The following SMU1 variants were observed in gnomAD, a reference collection of about 807,000 sequenced individuals.
SMU1 encodes SMU1 DNA replication regulator and spliceosomal factor, also known as WD40 repeat-containing protein SMU1.
SMU1 carries 2 observed loss-of-function variants against 62.0 expected under a neutral mutation model. The observed-to-expected ratio is 0.03, with a 90% CI of 0.01 to 0.10. The LOEUF (loss-of-function observed/expected upper bound fraction) is 0.10. SMU1 is among the 10% of genes least tolerant of loss of function. The pLI is 1.00. For missense variants in SMU1, 227 were observed against 622.1 expected (o/e 0.36, Z 6.76); for synonymous variants, 188 against 212.4 (o/e 0.89, Z 1.00).
At position 33,061,903 on chromosome 9, in the gene SMU1, A is replaced by T. The variant is rs141269196; in HGVS notation, c.630+146T>A. On this transcript the variant is annotated intron_variant, in intron 5 of 11. Coordinates refer to ENST00000397149, the MANE Select transcript of SMU1 (RefSeq NM_018225.3). ...CCAGGCCACAGCAGTATCCCAGTGG[A>T]CACCTGCAGCAACCTTGAATATTGT... 2.8e-4 allele frequency: 221 copies of T among 799,108 alleles called. 5 individuals carry two copies. The African/African-American group carries it at 3.4e-3, about 12-fold the overall frequency. The allele number at this position is 799,108 out of a possible 1,614,324, so 49.5% of individuals were successfully genotyped here.
Position 33,056,859 on chromosome 9 carries a change from C to T in SMU1, c.973G>A (p.Ala325Thr). 1 of 1,612,324 alleles carries T rather than the reference C, an allele frequency of 6.2e-7. No homozygotes were observed. The highest frequency in any genetic ancestry group is 8.5e-7 in the Non-Finnish European group (1 of 1,179,598). Residue 325 changes from alanine to threonine, a missense_variant, in exon 8 of 12, where the codon GCT (alanine) becomes ACT (threonine). Transcript: ENST00000397149. Reference sequence around the variant, plus strand: ...TACCTAATTGTCTGGTCAAAAGAAGCACTAAGGATCTGACTGCTATCCTTA... The same window carrying T: ...TACCTAATTGTCTGGTCAAAAGAAGTACTAAGGATCTGACTGCTATCCTTA... ...FSKDSSQILS[A>T]SFDQTIRIHG...
In SMU1 at chr9:33,075,433, C is replaced by G. The variant is rs542070279; in HGVS notation, c.26+1150G>C. Among the ~76,000 whole-genome samples, 26 of 152,188 alleles carry G rather than the reference C, an allele frequency of 1.7e-4. No individual in the cohort carries two copies. The South Asian group carries it at 4.1e-3, about 24-fold the overall frequency. On this transcript the variant is annotated intron_variant, in intron 1 of 11. Coordinates refer to ENST00000397149, the MANE Select transcript of SMU1 (RefSeq NM_018225.3). ...CTGCAGTAGTCTTTTTCTCTCATGG[C>G]CCCTTTATGAGGTATGCAGGTATCC...
At chr9:33,074,297 T>C (rs1360447984) in intron 1 of SMU1, among the ~76,000 whole-genome samples, 1 of 152,086 alleles carries the variant, frequency 6.6e-6, no homozygotes. Context: ...ACCCCATCTC[T>C]ACAAATTTTT....
Position 33,056,874 on chromosome 9 carries a change from T to C in SMU1, c.958A>G (p.Ser320Gly). The C allele has an allele frequency of 6.2e-7, 1 of 1,613,388 alleles. No individual in the cohort carries two copies. Among genetic ancestry groups the C allele is most frequent in the South Asian group, 1.1e-5 (1 of 91,044 alleles). Residue 320 changes from serine to glycine, a missense_variant, in exon 8 of 12, where the codon AGT (serine) becomes GGT (glycine). Coordinates refer to ENST00000397149, the MANE Select transcript of SMU1 (RefSeq NM_018225.3). ...VTCLSFSKDS[S>G]QILSASFDQT... ...TCAAAAGAAGCACTAAGGATCTGAC[T>C]GCTATCCTTAGAAAAGCTTAGACAG...
At chr9:33,073,469 C>T (rs1839509654) in intron 2 of SMU1, 127 bp downstream of exon 2, 1 of 621,542 alleles carries the variant, frequency 1.6e-6, no homozygotes, top group Admixed American at 3.0e-5. Context: ...AATGTCAAGC[C>T]TTGCCATTGT....
At chr9:33,064,604 C>T (rs895155879) in intron 4 of SMU1, among the ~76,000 whole-genome samples, 1 of 152,110 alleles carries the variant, frequency 6.6e-6, no homozygotes, top group African/African-American at 2.4e-5. Flanking sequence ...ACTGTTGTTG[C>T]ACTGGTTGCA....
chr9:33,074,768 T>C (rs1027920455), intron 1 of SMU1, among the ~76,000 whole-genome samples: 2 of 144,056 alleles, frequency 1.4e-5, no homozygotes, highest in African/African-American at 5.0e-5. Context: ...AAAGCAAACA[T>C]CCTCTTTTTT....
At chr9:33,049,559 C>T (rs1247421576) in intron 10 of SMU1, among the ~76,000 whole-genome samples, 2 of 152,088 alleles carry the variant, frequency 1.3e-5, no homozygotes, top group Non-Finnish European at 2.9e-5. Flanking sequence ...AGATACAACT[C>T]CTAAGACATG....
chr9:33,057,060 G>A (rs1587708399), intron 7 of SMU1, 96 bp from the exon 8 acceptor site: 3 of 1,330,758 alleles, frequency 2.3e-6, no homozygotes, highest in African/African-American at 1.5e-5. Context: ...GCTCACTAAT[G>A]TACTGAAACA....
intron 8 of SMU1, 131 bp downstream of exon 8, chr9:33,056,706 T>A: frequency 1.0e-6 from 1 of 1,003,742 alleles, no homozygotes; most frequent in South Asian, 1.6e-5. Context: ...AGGTCTCACA[T>A]ACCTTCCCTC....
chr9:33,048,080 A>C (rs1839205642), intron 11 of SMU1, 26 bp downstream of exon 11: 1 of 1,606,326 alleles, frequency 6.2e-7, no homozygotes. Flanking sequence ...ATATTTCTTT[A>C]GATGAACTTA....
chr9:33,073,474 C>A, intron 2 of SMU1, 122 bp downstream of exon 2: 1 of 629,142 alleles, frequency 1.6e-6, no homozygotes, highest in Admixed American at 2.9e-5. Flanking sequence ...CAAGCCTTGC[C>A]ATTGTTGTAT....
At chr9:33,048,007 G>T in intron 11 of SMU1, 99 bp downstream of exon 11, 1 of 1,055,968 alleles carries the variant, frequency 9.5e-7, no homozygotes, top group South Asian at 1.7e-5. Context: ...TTATACTGAG[G>T]GTCACATCGA....
intron 1 of SMU1, among the ~76,000 whole-genome samples, chr9:33,076,208 G>C (rs1438338462): frequency 6.6e-6 from 1 of 152,198 alleles, no homozygotes; most frequent in Non-Finnish European, 1.5e-5. Context: ...CATTGCATAA[G>C]CTGGACAGGG....
At chr9:33,071,925 A>G in intron 2 of SMU1, 33 bp from the exon 3 acceptor site, 1 of 1,491,448 alleles carries the variant, frequency 6.7e-7, no homozygotes, top group Middle Eastern at 1.8e-4. Context: ...AAAAAACCCC[A>G]GATGTTTCAA....
At chr9:33,060,695 C>A (rs1839352338) in intron 5 of SMU1, 111 bp from the exon 6 acceptor site, 1 of 1,398,778 alleles carries the variant, frequency 7.1e-7, no homozygotes, top group South Asian at 1.3e-5. Flanking sequence ...ATAGCTGGCC[C>A]ATATTATAGA....
intron 1 of SMU1, 157 bp from the exon 2 acceptor site, chr9:33,073,963 AC>A (rs538922661): frequency 6.6e-4 from 129 of 195,826 alleles, no homozygotes; most frequent in Non-Finnish European, 9.5e-4. Context: ...TTATAAGGGG[AC>A]CCCCCCTAAC....
At chr9:33,062,749 C>T (rs957569872) in intron 4 of SMU1, among the ~76,000 whole-genome samples, 5 of 152,110 alleles carry the variant, frequency 3.3e-5, no homozygotes, top group African/African-American at 1.2e-4. Flanking sequence ...CTAAATAATG[C>T]TGCAATGAAC....
At chr9:33,051,941 C>T (rs1372427722) in intron 10 of SMU1, among the ~76,000 whole-genome samples, 1 of 150,140 alleles carries the variant, frequency 6.7e-6, no homozygotes, top group African/African-American at 2.5e-5. Flanking sequence ...CGCTTGAACC[C>T]GGCAGGCGGA....
Sources: gnomAD v4.1 joint callset for allele counts (sites outside exome capture counted in the v4.1 genomes callset) on GRCh38, gnomAD v4.1.1 for gene constraint, MANE v1.5 for transcripts, NCBI Gene and HGNC (gene_info 2026-07-23, HGNC 2026-07-21) for gene names.